Variants in CREB5 observed in about 807,000 individuals in gnomAD.
CREB5 encodes the protein cAMP responsive element binding protein 5.
CREB5 carries 19 observed loss-of-function variants against 57.1 expected under a neutral mutation model. The observed-to-expected ratio is 0.33, with a 90% CI of 0.23 to 0.49. The LOEUF (loss-of-function observed/expected upper bound fraction) is 0.49. Ranked by LOEUF, CREB5 falls within the 20% of genes least tolerant of loss-of-function variation. The pLI, the probability that CREB5 is intolerant of heterozygous loss-of-function variation, is 0.99. For synonymous variants in CREB5, 238 were observed against 238.3 expected (o/e 1.00, Z 0.01); for missense variants, 579 against 671.6 (o/e 0.86, Z 1.52).
At chr7:28,713,301 G>A (rs78976550) in intron 5 of CREB5, among the ~76,000 whole-genome samples, 2,326 of 152,268 alleles carry the variant, frequency 0.015, 65 homozygotes, top group African/African-American at 0.053. Flanking sequence ...GATTACAGGC[G>A]TGAGCCACCT....
Position 28,560,883 on chromosome 7 carries a change from C to CGCGTGCGT in CREB5, c.292-9481_292-9480insCGTGCGTG, listed in dbSNP as rs1795138103. ...GCGTGTGCCTGCGTGCGCGTGCGTG[C>CGCGTGCGT]GTGCGTGTGTGTGCGTGCGCGCGTG... On this transcript the variant is annotated intron_variant, in intron 4 of 10. Transcript: ENST00000357727. Among the ~76,000 whole-genome samples the CGCGTGCGT allele has an allele frequency of 2.7e-3, 46 of 17,274 alleles. 3 individuals are homozygous for CGCGTGCGT. The highest frequency in any genetic ancestry group is 5.2e-3 in the Non-Finnish European group (43 of 8,208). 11.3% of individuals were successfully genotyped at this position (17,274 alleles called of 152,430 possible).
intron 6 of CREB5, among the ~76,000 whole-genome samples, chr7:28,720,834 T>C (rs143312226): frequency 1.7e-4 from 26 of 152,310 alleles, no homozygotes; most frequent in Non-Finnish European, 3.5e-4. Context: ...AAAATTATTA[T>C]TTTTTTACAA....
rs918360086 is a variant in CREB5, at chr7:28,696,763, CACATAT to C, written c.465-21982_465-21977del. On this transcript the variant is annotated intron_variant, in intron 5 of 10. Coordinates refer to ENST00000357727, the MANE Select transcript of CREB5 (RefSeq NM_182898.4). ...TACACATATACACACACTACATACA[CACATAT>C]ACATATATATACACATACGTATACG... Among the ~76,000 whole-genome samples the C allele has an allele frequency of 5.4e-3, 765 of 142,530 alleles. 2 individuals are homozygous for C. Among genetic ancestry groups the C allele is most frequent in the African/African-American group, 0.018 (740 of 40,526 alleles). The allele number at this position is 142,530 out of a possible 152,430, so 93.5% of individuals were successfully genotyped here.
At chr7:28,503,401 G>GT (rs1487494589) in intron 3 of CREB5, among the ~76,000 whole-genome samples, 1 of 147,578 alleles carries the variant, frequency 6.8e-6, no homozygotes, top group African/African-American at 2.4e-5. Context: ...TAAAGGAACA[G>GT]TTTTGCAATT....
intron 1 of CREB5, among the ~76,000 whole-genome samples, chr7:28,439,211 G>A (rs1025736077): frequency 9.9e-5 from 15 of 152,120 alleles, no homozygotes; most frequent in Admixed American, 2.6e-4. Context: ...AACCAGACCT[G>A]ACTATATCAA....
At chr7:28,715,288 A>G (rs1389728070) in intron 5 of CREB5, among the ~76,000 whole-genome samples, 1 of 152,214 alleles carries the variant, frequency 6.6e-6, no homozygotes, top group African/African-American at 2.4e-5. Context: ...GTTCCCGTTC[A>G]TGACCCATGT....
In CREB5 at chr7:28,698,729, G is replaced by A. The variant is rs114523875; in HGVS notation, c.465-20024G>A. On this transcript the variant is annotated intron_variant, in intron 5 of 10. Coordinates refer to ENST00000357727, the MANE Select transcript of CREB5 (RefSeq NM_182898.4). Reference sequence around the variant, plus strand: ...TTATGAAGGCAAGACATGGGATGAGGCTTTCAAGTTGCTGGGAATGGTCTT... The same window carrying A: ...TTATGAAGGCAAGACATGGGATGAGACTTTCAAGTTGCTGGGAATGGTCTT... 4.9e-3 allele frequency among the ~76,000 whole-genome samples: 741 copies of A among 152,280 alleles called. 6 individuals carry two copies. The highest frequency in any genetic ancestry group is 0.017 in the African/African-American group (700 of 41,556).
chr7:28,764,321 G>A (rs1805833976), intron 7 of CREB5, among the ~76,000 whole-genome samples: 1 of 150,756 alleles, frequency 6.6e-6, no homozygotes, highest in Admixed American at 6.6e-5. Flanking sequence ...TTACACATAA[G>A]CCAGAGCTGA....
chr7:28,434,585 C>T (rs1788866970), intron 1 of CREB5, among the ~76,000 whole-genome samples: 1 of 152,140 alleles, frequency 6.6e-6, no homozygotes, highest in Admixed American at 6.5e-5. Context: ...ATTATTGTAA[C>T]TCAATAATTA....
At chr7:28,782,196 G>A (rs1026054676) in intron 7 of CREB5, among the ~76,000 whole-genome samples, 6 of 152,118 alleles carry the variant, frequency 3.9e-5, no homozygotes, top group Non-Finnish European at 7.3e-5. Flanking sequence ...AATACAGTAA[G>A]AGTGTTTTTG....
At chr7:28,754,366 A>T (rs562490318) in intron 7 of CREB5, among the ~76,000 whole-genome samples, 1 of 152,234 alleles carries the variant, frequency 6.6e-6, no homozygotes, top group Non-Finnish European at 1.5e-5. Context: ...GAGAGCCAGA[A>T]CTGCAAGGAG....
At chr7:28,516,689 G>A (rs1237165942) in intron 4 of CREB5, among the ~76,000 whole-genome samples, 1 of 152,178 alleles carries the variant, frequency 6.6e-6, no homozygotes, top group Non-Finnish European at 1.5e-5. Flanking sequence ...CTGGGGAAAA[G>A]GTAGCTTTTC....
At position 28,566,327 on chromosome 7, in the gene CREB5, G is replaced by A. The variant is rs574998715; in HGVS notation, c.292-4038G>A. On this transcript the variant is annotated intron_variant, in intron 4 of 10. Transcript: ENST00000357727. ...TGTCAACTGCAGATTTGACAAGCAT[G>A]ATTTTTACATCTTCATCCAAACTGT... is the stretch of plus-strand genomic sequence containing the variant. Among the ~76,000 whole-genome samples, 9 of 152,342 alleles carry A rather than the reference G, an allele frequency of 5.9e-5. No homozygotes were observed. The East Asian group carries it at 1.7e-3, about 29-fold the overall frequency.
intron 5 of CREB5, among the ~76,000 whole-genome samples, chr7:28,654,661 A>G (rs1269490498): frequency 2.6e-5 from 4 of 152,190 alleles, no homozygotes; most frequent in African/African-American, 4.8e-5. Flanking sequence ...GTTTAGAGGT[A>G]TGGGTGGTAT....
chr7:28,613,541 C>T lies in CREB5; in HGVS notation c.464+43004C>T, dbSNP rs76056677. On this transcript the variant is annotated intron_variant, in intron 5 of 10. Transcript: ENST00000357727. ...ATGTGAATTGAATGAAGAATGATTG[C>T]GACCTTAGATTTGGGTTTCTGAAGG... 7.2e-5 allele frequency among the ~76,000 whole-genome samples: 11 copies of T among 152,290 alleles called. No individual in the cohort carries two copies. In the East Asian group the frequency reaches 1.9e-3, roughly 27 times the overall value.
intron 1 of CREB5, among the ~76,000 whole-genome samples, chr7:28,390,240 C>T (rs913708820): frequency 3.3e-5 from 5 of 152,052 alleles, no homozygotes; most frequent in African/African-American, 7.2e-5. Flanking sequence ...ACGGTGTTCA[C>T]GGAGATAAGT....
At chr7:28,674,488 C>A (rs543328262) in intron 5 of CREB5, among the ~76,000 whole-genome samples, 2 of 152,160 alleles carry the variant, frequency 1.3e-5, no homozygotes, top group Admixed American at 6.5e-5. Flanking sequence ...GAGTATCCTG[C>A]ATGACTCATT....
At chr7:28,560,951 C>CGTGCGGGTGCGT (rs1795208911) in intron 4 of CREB5, among the ~76,000 whole-genome samples, 1 of 38,950 alleles carries the variant, frequency 2.6e-5, no homozygotes, top group Non-Finnish European at 5.2e-5. Context: ...CGTGTGTGTG[C>CGTGCGGGTGCGT]GTGTGTGTGC....
Position 28,657,559 on chromosome 7 carries a change from T to G in CREB5, c.465-61194T>G, listed in dbSNP as rs1799378487. 9.2e-5 allele frequency among the ~76,000 whole-genome samples: 14 copies of G among 151,826 alleles called. 1 individual carries two copies. The South Asian group carries it at 2.9e-3, about 32-fold the overall frequency. ...GCCTGGCCAATATAGTGAAACCCCGTCTCTACTAACAATACAAAAATTAGC... is the reference window on the plus strand; with the variant it reads ...GCCTGGCCAATATAGTGAAACCCCGGCTCTACTAACAATACAAAAATTAGC... On this transcript the variant is annotated intron_variant, in intron 5 of 10. Coordinates refer to ENST00000357727, the MANE Select transcript of CREB5 (RefSeq NM_182898.4).
Sources: gnomAD v4.1 joint callset for allele counts (sites outside exome capture counted in the v4.1 genomes callset) on GRCh38, gnomAD v4.1.1 for gene constraint, MANE v1.5 for transcripts, NCBI Gene and HGNC (gene_info 2026-07-23, HGNC 2026-07-21) for gene names.